Variants in EGF observed in about 807,000 individuals in gnomAD.
EGF encodes epidermal growth factor, also known as pro-epidermal growth factor.
EGF carries 95 observed loss-of-function variants against 143.8 expected under a neutral mutation model. The observed-to-expected ratio is 0.66, with a 90% confidence interval of 0.56 to 0.78. The LOEUF is 0.78. Among genes scored for constraint, EGF ranks in the 30% least tolerant of loss-of-function variants. The probability of loss-of-function intolerance (pLI) is 0.00; values close to 1 mark genes in which losing one functional copy is unlikely to be tolerated. For missense variants in EGF, 1,320 were observed against 1,470.9 expected (o/e 0.90, Z 1.68); for synonymous variants, 510 against 510.5 (o/e 1.00, Z 0.01).
At chr4:109,974,114 G>A (rs914573415) in intron 11 of EGF, among the ~76,000 whole-genome samples, 2 of 152,154 alleles carry the variant, frequency 1.3e-5, no homozygotes, top group Non-Finnish European at 2.9e-5. Flanking sequence ...GATTTAAAGT[G>A]TACAGGAGAA....
intron 1 of EGF, among the ~76,000 whole-genome samples, chr4:109,918,284 A>C (rs1204561998): frequency 6.6e-6 from 1 of 150,754 alleles, no homozygotes; most frequent in African/African-American, 2.4e-5. Flanking sequence ...ATTTCAAGTA[A>C]AGGTGGGTTA....
intron 19 of EGF, among the ~76,000 whole-genome samples, 183 bp from the exon 20 acceptor site, chr4:109,994,550 G>C (rs1751500671): frequency 6.6e-6 from 1 of 152,184 alleles, no homozygotes; most frequent in Non-Finnish European, 1.5e-5. Context: ...AGGAAGAACG[G>C]CTGGTTTCAT....
intron 1 of EGF, among the ~76,000 whole-genome samples, chr4:109,917,149 AT>A (rs1310216340): frequency 2.6e-5 from 4 of 152,306 alleles, no homozygotes; most frequent in Admixed American, 6.5e-5. Flanking sequence ...GATAGCGATT[AT>A]TTCAGTTTTT....
rs1263977022 is a variant in EGF, at chr4:109,974,777, C to T, written c.1799C>T (p.Pro600Leu). 1 of 1,613,510 alleles carries T rather than the reference C, an allele frequency of 6.2e-7. No homozygotes were observed. The highest frequency in any genetic ancestry group is 8.5e-7 in the Non-Finnish European group (1 of 1,179,614). ...ATCACTAAGGAGAACATCTCTCAAC[C>T]ACGAGGAATTGCTGTTCATCCAATG... ...KIITKENISQ[P>L]RGIAVHPMAK... The change falls in exon 12 of 24, where the codon CCA becomes CTA. Residue 600 changes from proline to leucine, a missense_variant. Transcript: ENST00000265171.
chr4:109,938,699 T>C (rs1741350428), intron 1 of EGF, among the ~76,000 whole-genome samples: 1 of 152,232 alleles, frequency 6.6e-6, no homozygotes, highest in African/African-American at 2.4e-5. Flanking sequence ...GATGGGGTTT[T>C]GATGTGGATG....
At chr4:110,010,094 C>G (rs1448926270) in intron 23 of EGF, among the ~76,000 whole-genome samples, 1 of 152,024 alleles carries the variant, frequency 6.6e-6, no homozygotes, top group African/African-American at 2.4e-5. Context: ...GCTGTCTCTA[C>G]CAAAAAGTAC....
chr4:110,008,312 CCACACA>C, intron 23 of EGF, 82 bp downstream of exon 23: 1 of 1,441,554 alleles, frequency 6.9e-7, no homozygotes, highest in Non-Finnish European at 9.7e-7. Context: ...TCTCATTTAA[CCACACA>C]CACACACACA....
chr4:109,923,137 T>G (rs1416369087), intron 1 of EGF, among the ~76,000 whole-genome samples: 1 of 151,468 alleles, frequency 6.6e-6, no homozygotes, highest in Non-Finnish European at 1.5e-5. Flanking sequence ...TGCTATTTGT[T>G]ACATATGTCT....
intron 1 of EGF, among the ~76,000 whole-genome samples, chr4:109,937,270 C>T (rs1285508921): frequency 6.6e-6 from 1 of 151,666 alleles, no homozygotes; most frequent in African/African-American, 2.4e-5. Context: ...TGCATTGATC[C>T]CTTTACCATT....
chr4:110,009,041 A>G (rs1206961260), intron 23 of EGF, among the ~76,000 whole-genome samples: 3 of 152,280 alleles, frequency 2.0e-5, no homozygotes, highest in East Asian at 3.9e-4. Context: ...TCCTTCTTCA[A>G]TGTGCTTATT....
intron 6 of EGF, among the ~76,000 whole-genome samples, chr4:109,960,614 C>T (rs562730773): frequency 6.6e-6 from 1 of 152,176 alleles, no homozygotes; most frequent in Admixed American, 6.5e-5. Flanking sequence ...CATTGCACTC[C>T]AGCCTGGGTG....
At chr4:109,919,563 C>A (rs1481178935) in intron 1 of EGF, among the ~76,000 whole-genome samples, 1 of 152,138 alleles carries the variant, frequency 6.6e-6, no homozygotes, top group African/African-American at 2.4e-5. Flanking sequence ...TTGTCCTCCT[C>A]CCCTCTCCAC....
rs1578363922 is a variant in EGF at position 109,991,160 on chromosome 4, A to G, written c.2735-2087A>G. ...TACAACTGTAAAATGAAACAGGTGA[A>G]ATGAATTTTAGCAATAATATTTTAT... On this transcript the variant is annotated intron_variant, in intron 18 of 23. Coordinates refer to ENST00000265171, the MANE Select transcript of EGF (RefSeq NM_001963.6). Among the ~76,000 whole-genome samples, 5 of 152,366 alleles carry G rather than the reference A, an allele frequency of 3.3e-5. No homozygotes were observed. In the South Asian group the frequency reaches 1.0e-3, roughly 32 times the overall value.
chr4:109,913,132 T>G lies in EGF; in HGVS notation c.-204T>G, dbSNP rs868554478. On this transcript the variant is annotated 5_prime_UTR_variant, in exon 1 of 24. Coordinates refer to ENST00000265171, the MANE Select transcript of EGF (RefSeq NM_001963.6). ...AGATAAAGAAATCTTTCCTGTGGCT[T>G]CCCTTGGCAGGCTGCATTCAGAAGG... 2 of 562,648 alleles carry G rather than the reference T, an allele frequency of 3.6e-6. No individual in the cohort carries two copies. The highest frequency in any genetic ancestry group is 1.9e-5 in the African/African-American group (1 of 52,742). 34.9% of individuals were successfully genotyped at this position (562,648 alleles called of 1,614,324 possible). A position where few individuals can be genotyped will look rare whatever the true frequency, so the allele number is the denominator to read the frequency against.
chr4:109,953,033 C>T (rs1482938557), intron 5 of EGF, among the ~76,000 whole-genome samples: 3 of 152,202 alleles, frequency 2.0e-5, no homozygotes, highest in African/African-American at 4.8e-5. Context: ...ATTATATCCC[C>T]GTGTGTCATT....
Position 109,993,229 on chromosome 4 carries a change from C to G in EGF, c.2735-18C>G. 1.2e-6 allele frequency: 2 copies of G among 1,613,272 alleles called. No individual in the cohort carries two copies. The highest frequency in any genetic ancestry group is 4.5e-5 in the East Asian group (2 of 44,878). On this transcript the variant is annotated intron_variant, in intron 18 of 23. Transcript: ENST00000265171. ...CTGTACCCCACTTTTCTCTCCCGTA[C>G]TCTGTCTTTTCTGACAGATATTGAT...
Position 109,974,712 on chromosome 4 carries a change from G to A in EGF, c.1734G>A (p.Leu578=), listed in dbSNP as rs892032011. The A allele has an allele frequency of 6.2e-7, 1 of 1,612,660 alleles. No individual in the cohort carries two copies. The highest frequency in any genetic ancestry group is 8.5e-7 in the Non-Finnish European group (1 of 1,178,838). Residue 578 remains leucine, a synonymous_variant, in exon 12 of 24, where the codon CTG becomes CTA. Coordinates refer to ENST00000265171, the MANE Select transcript of EGF (RefSeq NM_001963.6). Reference sequence around the variant, plus strand: ...TTTGCACATATTTTAGGAAATCTCTGATTGGAAGGAGTGATTTAAATGGGA... The same window carrying A: ...TTTGCACATATTTTAGGAAATCTCTAATTGGAAGGAGTGATTTAAATGGGA... ...RFYWTDRGKS[L]IGRSDLNGKR...
At chr4:109,920,805 C>T (rs149076398) in intron 1 of EGF, among the ~76,000 whole-genome samples, 10 of 151,756 alleles carry the variant, frequency 6.6e-5, no homozygotes, top group East Asian at 5.8e-4. Context: ...TACAGGCCAG[C>T]GCTTTCCTCC....
chr4:109,992,117 T>C (rs1407857609), intron 18 of EGF, among the ~76,000 whole-genome samples: 1 of 130,618 alleles, frequency 7.7e-6, no homozygotes. Flanking sequence ...AAGGCTACAA[T>C]GAGCCATGAT....
Sources: allele counts gnomAD v4.1 joint callset (sites outside exome capture counted in the v4.1 genomes callset), GRCh38; gene constraint gnomAD v4.1.1; transcripts MANE v1.5; gene names NCBI Gene and HGNC (gene_info 2026-07-23, HGNC 2026-07-21).